The following SETBP1 variants were observed in gnomAD, a reference collection of about 807,000 sequenced individuals.
SETBP1 encodes the protein SET-binding protein.
SETBP1 carries 9 observed loss-of-function variants against 101.0 expected under a neutral mutation model. The observed-to-expected ratio is 0.09, with a 90% CI of 0.05 to 0.16. The LOEUF (loss-of-function observed/expected upper bound fraction) is 0.16, where lower values mean the gene tolerates loss of function less well. Among genes scored for constraint, SETBP1 ranks in the 10% least tolerant of loss-of-function variants. SETBP1 has a pLI of 1.00. For missense variants in SETBP1, 1,858 were observed against 2,033.8 expected (o/e 0.91, Z 1.66); for synonymous variants, 818 against 788.5 (o/e 1.04, Z -0.63).
At chr18:44,945,054 G>T (rs541162042) in intron 3 of SETBP1, among the ~76,000 whole-genome samples, 1 of 152,044 alleles carries the variant, frequency 6.6e-6, no homozygotes, top group African/African-American at 2.4e-5. Context: ...CAACATGCAG[G>T]TTTGTTACAT....
At chr18:44,785,616 C>A (rs1274800935) in intron 2 of SETBP1, among the ~76,000 whole-genome samples, 1 of 152,096 alleles carries the variant, frequency 6.6e-6, no homozygotes, top group East Asian at 1.9e-4. Flanking sequence ...ACTTGTCAGC[C>A]CTCATCTCCC....
At chr18:44,683,365 A>G (rs573291778) in intron 1 of SETBP1, among the ~76,000 whole-genome samples, 1 of 152,334 alleles carries the variant, frequency 6.6e-6, no homozygotes, top group African/African-American at 2.4e-5. Flanking sequence ...TTGGGGAAAA[A>G]GGAAACAGTG....
rs200834997 is a variant in SETBP1, at chr18:44,957,695, C to G, written c.4000+4355C>G. 9.9e-5 allele frequency among the ~76,000 whole-genome samples: 15 copies of G among 152,146 alleles called. 1 individual carries two copies. In the East Asian group the frequency reaches 2.7e-3, roughly 28 times the overall value. On this transcript the variant is annotated intron_variant, in intron 4 of 5. Coordinates refer to ENST00000649279, the MANE Select transcript of SETBP1 (RefSeq NM_015559.3). ...CACTCACTGGCAGGATATGAATGCC[C>G]AAGCCAAAAATAATACAAAAACCTC...
At chr18:44,799,164 T>C (rs545303217) in intron 2 of SETBP1, among the ~76,000 whole-genome samples, 1 of 152,306 alleles carries the variant, frequency 6.6e-6, no homozygotes, top group South Asian at 2.1e-4. Context: ...TGACTGTCAT[T>C]AACATCTTAT....
At chr18:44,959,392 G>A (rs1057363612) in intron 4 of SETBP1, among the ~76,000 whole-genome samples, 1 of 152,238 alleles carries the variant, frequency 6.6e-6, no homozygotes, top group African/African-American at 2.4e-5. Flanking sequence ...GCTTGAGCCA[G>A]TATAGCACTT....
intron 3 of SETBP1, among the ~76,000 whole-genome samples, chr18:44,904,197 G>A (rs192993922): frequency 2.3e-3 from 349 of 152,180 alleles, no homozygotes; most frequent in African/African-American, 7.8e-3. Flanking sequence ...TGACACTATC[G>A]CTTTTTCAAA....
chr18:44,799,812 C>T (rs1485275915), intron 2 of SETBP1, among the ~76,000 whole-genome samples: 1 of 152,158 alleles, frequency 6.6e-6, no homozygotes, highest in Non-Finnish European at 1.5e-5. Context: ...CACTCACCTC[C>T]CTTTTGTGAT....
chr18:44,919,191 A>T (rs2070517974), intron 3 of SETBP1, among the ~76,000 whole-genome samples: 1 of 152,172 alleles, frequency 6.6e-6, no homozygotes, highest in South Asian at 2.1e-4. Context: ...AAAATATAAT[A>T]CATTAAGAGA....
rs144354433 is a variant in SETBP1, at chr18:44,898,205, A to G, written c.540+28922A>G. On this transcript the variant is annotated intron_variant, in intron 3 of 5. Coordinates refer to ENST00000649279, the MANE Select transcript of SETBP1 (RefSeq NM_015559.3). ...CAAAGGTCTTTTTAGCCACACCACT[A>G]CTTGATTCTATATATTTATAACTCA... is the stretch of plus-strand genomic sequence containing the variant. Among the ~76,000 whole-genome samples, 719 of 152,254 alleles carry G rather than the reference A, an allele frequency of 4.7e-3. 2 individuals carry two copies. The highest frequency in any genetic ancestry group is 0.016 in the African/African-American group (660 of 41,540).
chr18:44,913,647 C>T (rs1464688043), intron 3 of SETBP1, among the ~76,000 whole-genome samples: 1 of 152,218 alleles, frequency 6.6e-6, no homozygotes, highest in African/African-American at 2.4e-5. Flanking sequence ...ATGAGGAGCT[C>T]ACACTGGCTA....
intron 4 of SETBP1, among the ~76,000 whole-genome samples, chr18:44,985,251 TA>T (rs560401119): frequency 1.1e-3 from 163 of 149,610 alleles, no homozygotes; most frequent in Non-Finnish European, 1.5e-3. Context: ...AAGAAAGTCT[TA>T]AAAAAAAAAG....
chr18:44,715,941 C>T (rs1412019974), intron 2 of SETBP1, among the ~76,000 whole-genome samples: 1 of 152,126 alleles, frequency 6.6e-6, no homozygotes, highest in East Asian at 1.9e-4. Context: ...CCCTCTTTGC[C>T]CATCTTTGTC....
intron 3 of SETBP1, among the ~76,000 whole-genome samples, chr18:44,949,109 C>A (rs2071276257): frequency 6.6e-6 from 1 of 152,174 alleles, no homozygotes; most frequent in Non-Finnish European, 1.5e-5. Flanking sequence ...CATGCTAACC[C>A]CCAAACAGAG....
chr18:44,943,189 A>G (rs1250530659), intron 3 of SETBP1, among the ~76,000 whole-genome samples: 2 of 152,228 alleles, frequency 1.3e-5, no homozygotes, highest in African/African-American at 4.8e-5. Flanking sequence ...TCATGAGCAT[A>G]AATGGTAATT....
intron 5 of SETBP1, among the ~76,000 whole-genome samples, chr18:45,059,988 T>A (rs1195024154): frequency 6.6e-6 from 1 of 152,232 alleles, no homozygotes; most frequent in Non-Finnish European, 1.5e-5. Flanking sequence ...GTTCAAGATG[T>A]ACGTGTGTTT....
chr18:44,987,822 A>G (rs2072273786), intron 4 of SETBP1: 1 of 152,182 alleles, frequency 6.6e-6, no homozygotes, highest in Admixed American at 6.5e-5. Context: ...GCCTGTATGT[A>G]TGAGAGTGTG....
At chr18:45,017,567 G>A (rs1234000565) in intron 4 of SETBP1, among the ~76,000 whole-genome samples, 1 of 152,228 alleles carries the variant, frequency 6.6e-6, no homozygotes, top group Admixed American at 6.5e-5. Flanking sequence ...GTTTTCCACT[G>A]GTGACAGAGA....
intron 5 of SETBP1, among the ~76,000 whole-genome samples, chr18:45,044,729 T>A (rs1325771031): frequency 3.3e-5 from 5 of 152,146 alleles, no homozygotes; most frequent in Non-Finnish European, 5.9e-5. Flanking sequence ...ACTGCCACAG[T>A]ATTATTTTCA....
At chr18:44,752,218 G>A (rs993703482) in intron 2 of SETBP1, among the ~76,000 whole-genome samples, 8 of 152,182 alleles carry the variant, frequency 5.3e-5, no homozygotes, top group African/African-American at 1.9e-4. Flanking sequence ...CCCAATCCAG[G>A]TGATTTACCA....
Sources: allele counts gnomAD v4.1 joint callset (sites outside exome capture counted in the v4.1 genomes callset), GRCh38; gene constraint gnomAD v4.1.1; transcripts MANE v1.5; gene names NCBI Gene and HGNC (gene_info 2026-07-23, HGNC 2026-07-21).